C11orf65: variants seen among roughly 807,000 people sequenced by gnomAD.
C11orf65 encodes chromosome 11 open reading frame 65, also known as protein MFI.
In C11orf65, 38 loss-of-function variants were observed where a neutral mutation model predicts 35.3. The observed-to-expected ratio is 1.08, with a 90% CI of 0.83 to 1.41. C11orf65 has a LOEUF of 1.41. C11orf65 is among the 40% of genes most tolerant of loss of function. The pLI is 0.00. For missense variants in C11orf65, 370 were observed against 367.1 expected (o/e 1.01, Z -0.06); for synonymous variants, 105 against 114.4 (o/e 0.92, Z 0.53).
At chr11:108,412,537 G>A (rs748433140) in intron 3 of C11orf65, among the ~76,000 whole-genome samples, 8 of 152,070 alleles carry the variant, frequency 5.3e-5, no homozygotes, top group East Asian at 1.9e-4. Context: ...GAACAAAGAC[G>A]AACCTGGGCA....
At chr11:108,354,711 G>C in intron 2 of C11orf65, 2 of 1,056,426 alleles carry the variant, frequency 1.9e-6, no homozygotes. Context: ...AGATTATTAA[G>C]CATAGGCTCA....
At chr11:108,384,194 A>C (rs2091933960) in intron 8 of C11orf65, among the ~76,000 whole-genome samples, 1 of 152,118 alleles carries the variant, frequency 6.6e-6, no homozygotes, top group Non-Finnish European at 1.5e-5. Context: ...AAAGATGACT[A>C]TCTATTGAGC....
At chr11:108,425,586 C>T (rs751666648) in intron 3 of C11orf65, among the ~76,000 whole-genome samples, 5 of 152,168 alleles carry the variant, frequency 3.3e-5, no homozygotes, top group Non-Finnish European at 7.3e-5. Flanking sequence ...GAGCTGGTAC[C>T]ATTCCTTCTG....
chr11:108,335,264 C>A, exon 3 of C11orf65: 1 of 1,527,218 alleles, frequency 6.5e-7, no homozygotes. Context: ...TTTTCTAGAA[C>A]CAGGCTTTTC....
chr11:108,355,421 C>T (rs988148477), intron 2 of C11orf65: 1 of 163,032 alleles, frequency 6.1e-6, no homozygotes, highest in Non-Finnish European at 1.3e-5. Context: ...CACATGTAAT[C>T]AGGATCACTG....
At chr11:108,365,158 A>G in intron 2 of C11orf65, 1 of 1,614,240 alleles carries the variant, frequency 6.2e-7, no homozygotes, top group Non-Finnish European at 8.5e-7. Context: ...AGGCCGGAAG[A>G]TGAAACTGAG....
At chr11:108,315,713 A>G in intron 6 of C11orf65, 1 of 772,094 alleles carries the variant, frequency 1.3e-6, no homozygotes, top group Non-Finnish European at 2.2e-6. Flanking sequence ...TCTATAACAT[A>G]ACATTTAGAG....
chr11:108,348,369 T>G (rs1565569589), intron 2 of C11orf65, among the ~76,000 whole-genome samples: 2 of 151,436 alleles, frequency 1.3e-5, no homozygotes, highest in African/African-American at 4.8e-5. Flanking sequence ...AATAGACAGT[T>G]TAATATATAA....
intron 8 of C11orf65, 61 bp downstream of exon 8, chr11:108,385,859 G>A (rs2091983476): frequency 2.3e-6 from 3 of 1,308,730 alleles, no homozygotes; most frequent in Admixed American, 3.4e-5. Context: ...AGAAATACGT[G>A]TGTGGAATGT....
chr11:108,411,552 C>T (rs1425573993), intron 3 of C11orf65, among the ~76,000 whole-genome samples: 1 of 152,028 alleles, frequency 6.6e-6, no homozygotes, highest in Non-Finnish European at 1.5e-5. Context: ...TTTTTGTGTG[C>T]TTGTTTCTAT....
chr11:108,432,311 G>A (rs761081039), intron 2 of C11orf65, among the ~76,000 whole-genome samples: 3 of 152,112 alleles, frequency 2.0e-5, no homozygotes, highest in Non-Finnish European at 2.9e-5. Flanking sequence ...GCTTTGGTGA[G>A]AAATACATGA....
At chr11:108,466,566 C>T (rs1011791905) in intron 1 of C11orf65, among the ~76,000 whole-genome samples, 20 of 152,176 alleles carry the variant, frequency 1.3e-4, no homozygotes, top group African/African-American at 3.9e-4. Flanking sequence ...CAGCGAGATG[C>T]CTTCTCAAAA....
At chr11:108,362,480 C>G (rs1465886516) in intron 2 of C11orf65, among the ~76,000 whole-genome samples, 1 of 150,818 alleles carries the variant, frequency 6.6e-6, no homozygotes, top group Non-Finnish European at 1.5e-5. Flanking sequence ...AATCATGCTG[C>G]TATAAAGACA....
intron 2 of C11orf65, chr11:108,368,376 G>C (rs530721400): frequency 3.3e-5 from 7 of 209,716 alleles, no homozygotes; most frequent in Middle Eastern, 1.5e-3. Flanking sequence ...ATGAGGAGTA[G>C]TTAGATTTTG....
chr11:108,437,499 A>T (rs1764674147), intron 2 of C11orf65, among the ~76,000 whole-genome samples: 6 of 152,012 alleles, frequency 3.9e-5, no homozygotes, highest in Non-Finnish European at 1.5e-5. Context: ...AGGTCAAGAG[A>T]TCGAAACCAT....
chr11:108,317,577 A>T, intron 6 of C11orf65: 1 of 1,477,254 alleles, frequency 6.8e-7, no homozygotes, highest in Non-Finnish European at 9.2e-7. Flanking sequence ...TCTAAACAAC[A>T]ACTGTTTTTC....
downstream of C11orf65, chr11:108,330,520 C>T: frequency 8.1e-7 from 1 of 1,235,924 alleles, no homozygotes; most frequent in Non-Finnish European, 1.2e-6. Context: ...GTATTCCTAG[C>T]ACTTGGTCCA....
intron 2 of C11orf65, chr11:108,368,046 A>C: frequency 4.8e-6 from 1 of 207,622 alleles, no homozygotes; most frequent in East Asian, 7.4e-5. Context: ...AGAGCTTTGA[A>C]TAACATCATT....
At chr11:108,328,291 A>G (rs2085889890), downstream of C11orf65, among the ~76,000 whole-genome samples, 1 of 152,086 alleles carries the variant, frequency 6.6e-6, no homozygotes, top group South Asian at 2.1e-4. Flanking sequence ...CTGTCGCCCA[A>G]GCTGGAGTGC....
Sources: gnomAD v4.1 joint callset for allele counts (sites outside exome capture counted in the v4.1 genomes callset) on GRCh38, gnomAD v4.1.1 for gene constraint, MANE v1.5 for transcripts, NCBI Gene and HGNC (gene_info 2026-07-23, HGNC 2026-07-21) for gene names.